Variants in TBC1D19 observed in about 807,000 individuals in gnomAD.
TBC1D19 encodes TBC1 domain family member 19.
A neutral mutation model predicts 89.0 loss-of-function variants in TBC1D19; 60 were observed. The observed-to-expected ratio is 0.67, with a 90% CI of 0.55 to 0.84. The LOEUF (loss-of-function observed/expected upper bound fraction) is 0.84. TBC1D19 is among the 40% of genes least tolerant of loss of function. TBC1D19 has a pLI of 0.00. For synonymous variants in TBC1D19, 189 were observed against 199.7 expected, an observed-to-expected ratio of 0.95 and a Z score of 0.45; for missense variants, 500 against 610.8, an observed-to-expected ratio of 0.82 and a Z score of 1.91.
chr4:26,745,497 CTTTTTTTTTT>C (rs71186486), intron 18 of TBC1D19, among the ~76,000 whole-genome samples: 16 of 40,600 alleles, frequency 3.9e-4, no homozygotes, highest in Admixed American at 1.0e-3. Flanking sequence ...CAATATACTT[CTTTTTTTTTT>C]TTTTTTTTTT....
At chr4:26,749,592 G>A (rs1194505115) in intron 19 of TBC1D19, among the ~76,000 whole-genome samples, 5 of 151,804 alleles carry the variant, frequency 3.3e-5, no homozygotes, top group Non-Finnish European at 4.4e-5. Flanking sequence ...GATTACAGGC[G>A]CCTGCCACCA....
chr4:26,626,126 A>T (rs1742383592), intron 4 of TBC1D19, among the ~76,000 whole-genome samples: 1 of 152,122 alleles, frequency 6.6e-6, no homozygotes, highest in South Asian at 2.1e-4. Flanking sequence ...GTATGGACTC[A>T]TGGATATTCA....
chr4:26,699,339 T>G (rs962504350), intron 13 of TBC1D19, among the ~76,000 whole-genome samples: 5 of 152,090 alleles, frequency 3.3e-5, no homozygotes, highest in Admixed American at 1.3e-4. Flanking sequence ...GTTAGAATGA[T>G]GATCATTAAA....
At chr4:26,847,793 C>A in the TBC1D19 span, among the ~76,000 whole-genome samples, 1 of 152,204 alleles carries the variant, frequency 6.6e-6, no homozygotes, top group African/African-American at 2.4e-5. Context: ...CAGAGTGGTA[C>A]CTGTAAGGTG....
the TBC1D19 span, among the ~76,000 whole-genome samples, chr4:26,784,258 G>T: frequency 7.8e-4 from 119 of 152,068 alleles, 1 homozygote; most frequent in Non-Finnish European, 1.3e-3. Flanking sequence ...TTAGAGCAAG[G>T]GTTACCCAGA....
At chr4:26,821,321 T>G in the TBC1D19 span, among the ~76,000 whole-genome samples, 4 of 152,254 alleles carry the variant, frequency 2.6e-5, no homozygotes, top group African/African-American at 9.6e-5. Flanking sequence ...GAATTTTCAG[T>G]TGGCTCTGAT....
At chr4:26,643,207 C>T (rs919193548) in intron 7 of TBC1D19, among the ~76,000 whole-genome samples, 3 of 152,162 alleles carry the variant, frequency 2.0e-5, no homozygotes, top group Non-Finnish European at 4.4e-5. Context: ...TGTAAAAGAA[C>T]AGAAATCACA....
At chr4:26,668,056 T>C (rs368999872) in intron 9 of TBC1D19, among the ~76,000 whole-genome samples, 1 of 151,960 alleles carries the variant, frequency 6.6e-6, no homozygotes, top group South Asian at 2.1e-4. Flanking sequence ...TAGTAAGTGG[T>C]AGAGCCAGGA....
intron 7 of TBC1D19, among the ~76,000 whole-genome samples, chr4:26,646,122 C>CA (rs1170955624): frequency 0.041 from 1,701 of 41,052 alleles, 71 homozygotes; most frequent in African/African-American, 0.12. Flanking sequence ...GACTCCGTCT[C>CA]AAAAAAAAAA....
chr4:26,847,804 G>T, the TBC1D19 span, among the ~76,000 whole-genome samples: 2 of 152,220 alleles, frequency 1.3e-5, no homozygotes, highest in African/African-American at 4.8e-5. Flanking sequence ...CTGTAAGGTG[G>T]TAAGAAAAGA....
chr4:26,757,633 C>T (rs976005054), downstream of TBC1D19, among the ~76,000 whole-genome samples: 1 of 152,190 alleles, frequency 6.6e-6, no homozygotes, highest in Non-Finnish European at 1.5e-5. Flanking sequence ...AAATTTCCAG[C>T]TTGTCTTAAC....
the TBC1D19 span, among the ~76,000 whole-genome samples, chr4:26,807,567 A>G: frequency 6.6e-6 from 1 of 152,174 alleles, no homozygotes; most frequent in African/African-American, 2.4e-5. Flanking sequence ...ACCACAGACC[A>G]AAATATATTT....
intron 1 of TBC1D19, among the ~76,000 whole-genome samples, chr4:26,599,025 A>G (rs148317940): frequency 6.2e-4 from 95 of 152,238 alleles, no homozygotes; most frequent in African/African-American, 2.3e-3. Flanking sequence ...TCAAAAAAGT[A>G]TTTGGCTGGT....
the TBC1D19 span, among the ~76,000 whole-genome samples, chr4:26,824,779 A>T: frequency 1.3e-4 from 20 of 152,218 alleles, no homozygotes; most frequent in East Asian, 3.3e-3. Context: ...ATAAATTCAC[A>T]TGGCCATATG....
intron 1 of TBC1D19, among the ~76,000 whole-genome samples, chr4:26,577,283 G>A (rs941212896): frequency 3.4e-5 from 5 of 144,962 alleles, no homozygotes; most frequent in South Asian, 2.2e-4. Flanking sequence ...CTTCTCTCTC[G>A]TGTGTGTGTG....
intron 17 of TBC1D19, chr4:26,740,559 G>A (rs1422573630): frequency 1.4e-6 from 1 of 732,852 alleles, no homozygotes; most frequent in East Asian, 1.3e-4. Context: ...TAAGAATCAA[G>A]GAAAAGCATA....
intron 13 of TBC1D19, among the ~76,000 whole-genome samples, chr4:26,694,677 T>C (rs185061322): frequency 1.1e-3 from 166 of 152,280 alleles, no homozygotes; most frequent in African/African-American, 3.8e-3. Flanking sequence ...CATGGCCAGG[T>C]ACCCCTCTGA....
chr4:26,579,903 AAAGTC>A (rs1474884860), upstream of TBC1D19, among the ~76,000 whole-genome samples: 8 of 152,188 alleles, frequency 5.3e-5, no homozygotes, highest in Admixed American at 3.9e-4. Flanking sequence ...CCAGGGAGGG[AAAGTC>A]AATACGCTAA....
At chr4:26,841,228 A>T in the TBC1D19 span, among the ~76,000 whole-genome samples, 1 of 152,088 alleles carries the variant, frequency 6.6e-6, no homozygotes, top group Non-Finnish European at 1.5e-5. Flanking sequence ...CTCTACCAAA[A>T]ATACAAAAAT....
Sources: gnomAD v4.1 joint callset for allele counts (sites outside exome capture counted in the v4.1 genomes callset) on GRCh38, gnomAD v4.1.1 for gene constraint, MANE v1.5 for transcripts, NCBI Gene and HGNC (gene_info 2026-07-23, HGNC 2026-07-21) for gene names.